The following RAB3B variants were observed in gnomAD, a reference collection of about 807,000 sequenced individuals.
The protein encoded by RAB3B is RAB3B, member RAS oncogene family, also known as ras-related protein Rab-3B.
RAB3B carries 11 observed loss-of-function variants against 20.5 expected under a neutral mutation model. The observed-to-expected ratio is 0.54, with a 90% CI of 0.34 to 0.89. RAB3B has a LOEUF of 0.89. Ranked by LOEUF, RAB3B falls within the 40% of genes least tolerant of loss-of-function variation. The probability of loss-of-function intolerance (pLI) is 0.02; values close to 1 mark genes in which losing one functional copy is unlikely to be tolerated. For synonymous variants in RAB3B, 99 were observed against 106.3 expected, an observed-to-expected ratio of 0.93 and a Z score of 0.42; for missense variants, 225 against 280.9, an observed-to-expected ratio of 0.80 and a Z score of 1.42.
intron 2 of RAB3B, among the ~76,000 whole-genome samples, chr1:51,965,562 G>A (rs1254805588): frequency 1.3e-5 from 2 of 150,598 alleles, no homozygotes; most frequent in East Asian, 2.0e-4. Context: ...CAGGAGAATC[G>A]CTTGAACCCG....
At position 51,919,821 on chromosome 1, in the gene RAB3B, G is replaced by T; in HGVS notation, c.*106C>A. 8.7e-7 allele frequency: 1 copy of T among 1,155,768 alleles called. No homozygotes were observed. Among genetic ancestry groups the T allele is most frequent in the Non-Finnish European group, 1.2e-6 (1 of 826,376 alleles). The allele number at this position is 1,155,768 out of a possible 1,614,324, so 71.6% of individuals were successfully genotyped here. On this transcript the variant is annotated 3_prime_UTR_variant, in exon 5 of 5. Transcript: ENST00000371655. ...GCAACTCATCTTGCTCTGAGTGTGG[G>T]CAGTGTGTAACAGGGAGAGTGGGCT...
At chr1:51,984,882 T>G (rs1265895471) in intron 1 of RAB3B, among the ~76,000 whole-genome samples, 1 of 152,206 alleles carries the variant, frequency 6.6e-6, no homozygotes, top group African/African-American at 2.4e-5. Context: ...CGTGGATTAT[T>G]ATTTCCATTT....
intron 2 of RAB3B, among the ~76,000 whole-genome samples, chr1:51,952,014 CTA>C (rs1429165235): frequency 6.6e-6 from 1 of 152,212 alleles, no homozygotes; most frequent in Non-Finnish European, 1.5e-5. Flanking sequence ...AGGACCCTGT[CTA>C]AATTCATCAC....
chr1:51,981,012 C>T (rs1296425054), intron 1 of RAB3B, among the ~76,000 whole-genome samples: 2 of 152,030 alleles, frequency 1.3e-5, no homozygotes, highest in East Asian at 3.8e-4. Context: ...AGCTGTAGCT[C>T]AATTATTATT....
At chr1:51,985,258 A>C (rs1164184446) in intron 1 of RAB3B, among the ~76,000 whole-genome samples, 1 of 152,044 alleles carries the variant, frequency 6.6e-6, no homozygotes, top group Non-Finnish European at 1.5e-5. Flanking sequence ...TTGTGGCTCC[A>C]TTATTTGGGC....
chr1:51,972,475 C>T (rs1684951010), intron 2 of RAB3B, among the ~76,000 whole-genome samples: 1 of 146,072 alleles, frequency 6.8e-6, no homozygotes. Flanking sequence ...ATACACTATG[C>T]TTTTTTCTTT....
At position 51,908,946 on chromosome 1, in the gene RAB3B, C is replaced by G. The variant is rs759143375; in HGVS notation, c.*10981G>C. The G allele has an allele frequency of 5.9e-5, 9 of 152,228 alleles. No homozygotes were observed. Among genetic ancestry groups the G allele is most frequent in the Non-Finnish European group, 1.3e-4 (9 of 68,112 alleles). The allele number at this position is 152,228 out of a possible 1,614,324, so 9.4% of individuals were successfully genotyped here. On this transcript the variant is annotated 3_prime_UTR_variant, in exon 5 of 5. Coordinates refer to ENST00000371655, the MANE Select transcript of RAB3B (RefSeq NM_002867.4). ...AACTGTAAAGTGCCTAACACATGAT[C>G]GATGATTTTTGTTATAATATTTGAA...
At chr1:51,959,441 G>T (rs1684756308) in intron 2 of RAB3B, among the ~76,000 whole-genome samples, 1 of 152,186 alleles carries the variant, frequency 6.6e-6, no homozygotes, top group Non-Finnish European at 1.5e-5. Flanking sequence ...GAGCCCAGGA[G>T]GTCGAGGCTG....
chr1:51,982,813 TAA>T (rs1685105130), intron 1 of RAB3B, among the ~76,000 whole-genome samples: 2 of 152,062 alleles, frequency 1.3e-5, no homozygotes, highest in African/African-American at 4.8e-5. Context: ...AAAAATTTTT[TAA>T]GTTTATAAGG....
chr1:51,953,083 C>T (rs995831278), intron 2 of RAB3B, among the ~76,000 whole-genome samples: 4 of 152,320 alleles, frequency 2.6e-5, no homozygotes, highest in African/African-American at 7.2e-5. Context: ...GTACCCCACA[C>T]GCATCTGGGC....
intron 2 of RAB3B, among the ~76,000 whole-genome samples, chr1:51,939,822 G>A (rs1041751175): frequency 6.6e-6 from 1 of 152,124 alleles, no homozygotes; most frequent in Non-Finnish European, 1.5e-5. Flanking sequence ...TGATCCTCCT[G>A]CCTCAGCCTC....
At position 51,987,217 on chromosome 1, in the gene RAB3B, G is replaced by A. The variant is rs533654754; in HGVS notation, c.-1+3335C>T. Among the ~76,000 whole-genome samples, 11 of 152,272 alleles carry A rather than the reference G, an allele frequency of 7.2e-5. No individual in the cohort carries two copies. The South Asian group carries it at 8.3e-4, about 11-fold the overall frequency. ...GGAGGAGAGAGCCCTAAAATCCAGCGAGAAGAGATCAGCTCAATAAATGGA... is the reference window on the plus strand; with the variant it reads ...GGAGGAGAGAGCCCTAAAATCCAGCAAGAAGAGATCAGCTCAATAAATGGA... On this transcript the variant is annotated intron_variant, in intron 1 of 4. Coordinates refer to ENST00000371655, the MANE Select transcript of RAB3B (RefSeq NM_002867.4).
chr1:51,912,952 T>C lies in RAB3B; in HGVS notation c.*6975A>G, dbSNP rs371179775. ...TGAAAATGTCCAGTAGGCACTTAGATACACGTTATTATCAAAGACTTGGCA... is the reference window on the plus strand; with the variant it reads ...TGAAAATGTCCAGTAGGCACTTAGACACACGTTATTATCAAAGACTTGGCA... On this transcript the variant is annotated 3_prime_UTR_variant, in exon 5 of 5. Transcript: ENST00000371655. The C allele has an allele frequency of 6.6e-6, 1 of 151,878 alleles. No homozygotes were observed. The highest frequency in any genetic ancestry group is 1.5e-5 in the Non-Finnish European group (1 of 68,020). The allele number at this position is 151,878 out of a possible 1,614,324, so 9.4% of individuals were successfully genotyped here.
chr1:51,971,066 G>T (rs1315046774), intron 2 of RAB3B, among the ~76,000 whole-genome samples: 4 of 150,482 alleles, frequency 2.7e-5, no homozygotes, highest in Admixed American at 2.6e-4. Context: ...CCTTCCATGT[G>T]GACCCAAAGG....
At chr1:51,920,147 T>C in intron 4 of RAB3B, 33 bp from the exon 5 acceptor site, 1 of 1,564,590 alleles carries the variant, frequency 6.4e-7, no homozygotes, top group African/African-American at 1.3e-5. Context: ...TAAGGACTTT[T>C]CCCATCCCTT....
chr1:51,920,934 C>T (rs1684164606), intron 4 of RAB3B, among the ~76,000 whole-genome samples: 1 of 152,204 alleles, frequency 6.6e-6, no homozygotes, highest in Non-Finnish European at 1.5e-5. Flanking sequence ...CACCCTCCCT[C>T]CACAAACCCA....
intron 2 of RAB3B, among the ~76,000 whole-genome samples, chr1:51,969,514 A>T (rs115747996): frequency 0.011 from 1,680 of 152,286 alleles, 40 homozygotes; most frequent in African/African-American, 0.038. Flanking sequence ...TTGGCCTATG[A>T]CTGGGTTTGT....
intron 2 of RAB3B, among the ~76,000 whole-genome samples, chr1:51,952,440 C>G (rs916261171): frequency 6.6e-6 from 1 of 152,108 alleles, no homozygotes; most frequent in Non-Finnish European, 1.5e-5. Context: ...CATAGGGCTT[C>G]CTTGCATTGT....
intron 2 of RAB3B, among the ~76,000 whole-genome samples, chr1:51,941,114 A>G (rs1268470983): frequency 6.6e-6 from 1 of 152,098 alleles, no homozygotes; most frequent in African/African-American, 2.4e-5. Flanking sequence ...CTTATTTGGC[A>G]ATATAAGGAG....
Sources: gnomAD v4.1 joint callset for allele counts (sites outside exome capture counted in the v4.1 genomes callset) on GRCh38, gnomAD v4.1.1 for gene constraint, MANE v1.5 for transcripts, NCBI Gene and HGNC (gene_info 2026-07-23, HGNC 2026-07-21) for gene names.